The following SPIRE1 variants were observed in gnomAD, a reference collection of about 807,000 sequenced individuals.
The protein encoded by SPIRE1 is protein spire homolog 1.
A neutral mutation model predicts 94.1 loss-of-function variants in SPIRE1; 40 were observed. The observed-to-expected ratio is 0.43, with a 90% confidence interval of 0.33 to 0.55. SPIRE1 has a LOEUF of 0.55. SPIRE1 is among the 20% of genes least tolerant of loss of function. The pLI is 0.06. For missense variants in SPIRE1, 838 were observed against 975.2 expected, an observed-to-expected ratio of 0.86 and a Z score of 1.87; for synonymous variants, 376 against 371.7, an observed-to-expected ratio of 1.01 and a Z score of -0.13.
chr18:12,471,697 A>G (rs2143683878), intron 10 of SPIRE1, among the ~76,000 whole-genome samples: 1 of 152,358 alleles, frequency 6.6e-6, no homozygotes, highest in Non-Finnish European at 1.5e-5. Flanking sequence ...CATGGACTTC[A>G]GAGTTAGACA....
chr18:12,449,441 T>C lies in SPIRE1; in HGVS notation c.*197A>G, dbSNP rs1454397978. ...GTCCTCTCTCAGTGCAAACGAGCAA[T>C]TGGCGGACCTGTCACGTTTCATCAA... is the stretch of plus-strand genomic sequence containing the variant. On this transcript the variant is annotated 3_prime_UTR_variant, in exon 17 of 17. Coordinates refer to ENST00000409402, the MANE Select transcript of SPIRE1 (RefSeq NM_001128626.2). 4.9e-6 allele frequency: 3 copies of C among 614,880 alleles called. No individual in the cohort carries two copies. Among genetic ancestry groups the C allele is most frequent in the Non-Finnish European group, 8.4e-6 (3 of 357,156 alleles). 38.1% of individuals were successfully genotyped at this position (614,880 alleles called of 1,614,324 possible).
intron 3 of SPIRE1, among the ~76,000 whole-genome samples, chr18:12,535,987 AC>A: frequency 6.6e-6 from 1 of 151,516 alleles, no homozygotes; most frequent in East Asian, 1.9e-4. Flanking sequence ...AAACAGACAC[AC>A]CCCCATATCT....
In SPIRE1 at chr18:12,486,257, G is replaced by C. The variant is rs563221330; in HGVS notation, c.1190-257C>G. Among the ~76,000 whole-genome samples the C allele has an allele frequency of 2.6e-5, 4 of 152,214 alleles. No homozygotes were observed. In the South Asian group the frequency reaches 6.2e-4, roughly 24 times the overall value. ...ACTTTTTAGAAAACAAGTAAAAAATGAAAGCATGATAAAAATACAAACATT... is the reference window on the plus strand; with the variant it reads ...ACTTTTTAGAAAACAAGTAAAAAATCAAAGCATGATAAAAATACAAACATT... On this transcript the variant is annotated intron_variant, in intron 8 of 16. Transcript: ENST00000409402.
At chr18:12,573,675 C>T (rs2036017139) in intron 2 of SPIRE1, among the ~76,000 whole-genome samples, 2 of 152,112 alleles carry the variant, frequency 1.3e-5, no homozygotes, top group Admixed American at 1.3e-4. Context: ...CATCATATAT[C>T]TGTCAAAACC....
chr18:12,469,686 ATATAATTTG>A (rs1205400596), intron 10 of SPIRE1, among the ~76,000 whole-genome samples: 1 of 144,100 alleles, frequency 6.9e-6, no homozygotes, highest in Non-Finnish European at 1.5e-5. Context: ...TATATAACAT[ATATAATTTG>A]TATAATTTAT....
intron 2 of SPIRE1, among the ~76,000 whole-genome samples, chr18:12,612,851 T>G (rs1248027239): frequency 6.6e-6 from 1 of 152,196 alleles, no homozygotes; most frequent in Non-Finnish European, 1.5e-5. Context: ...AATACCTTTT[T>G]CCTTATCTCC....
intron 3 of SPIRE1, among the ~76,000 whole-genome samples, chr18:12,544,665 AC>A (rs1457873563): frequency 6.6e-6 from 1 of 152,056 alleles, no homozygotes; most frequent in East Asian, 1.9e-4. Flanking sequence ...CCTCGTAAGC[AC>A]CCTTTTAACT....
chr18:12,557,168 T>C (rs1015904583), intron 2 of SPIRE1, among the ~76,000 whole-genome samples: 1 of 152,168 alleles, frequency 6.6e-6, no homozygotes, highest in African/African-American at 2.4e-5. Flanking sequence ...CCTTGGGCAG[T>C]CAATGGGACC....
In SPIRE1 at chr18:12,472,052, T is replaced by C. The variant is rs980578816; in HGVS notation, c.1405-7094A>G. 1.3e-5 allele frequency among the ~76,000 whole-genome samples: 2 copies of C among 152,166 alleles called. 1 individual carries two copies. Among genetic ancestry groups the C allele is most frequent in the South Asian group, 4.1e-4 (2 of 4,830 alleles). On this transcript the variant is annotated intron_variant, in intron 10 of 16. Transcript: ENST00000409402. ...TGCCCACCTTGGCCTCCCAAAGTGC[T>C]GGGATTATAGGTGTGAGCCATTGCG...
intron 5 of SPIRE1, among the ~76,000 whole-genome samples, chr18:12,511,478 C>T (rs1049241032): frequency 1.1e-4 from 16 of 152,178 alleles, no homozygotes; most frequent in African/African-American, 3.9e-4. Flanking sequence ...CCTCCACCCC[C>T]AATCCTTGAC....
intron 16 of SPIRE1, chr18:12,450,969 C>A: frequency 4.9e-6 from 3 of 615,924 alleles, no homozygotes; most frequent in Non-Finnish European, 8.9e-6. Flanking sequence ...GCTAAAGTTG[C>A]CCAGAAAAAG....
chr18:12,564,402 T>C (rs2035764880), intron 2 of SPIRE1, among the ~76,000 whole-genome samples: 1 of 152,176 alleles, frequency 6.6e-6, no homozygotes, highest in African/African-American at 2.4e-5. Flanking sequence ...AAGACAGTTA[T>C]GTTAAACATA....
At chr18:12,597,707 T>C (rs953803760) in intron 2 of SPIRE1, among the ~76,000 whole-genome samples, 1 of 152,182 alleles carries the variant, frequency 6.6e-6, no homozygotes, top group African/African-American at 2.4e-5. Flanking sequence ...AAAAAACAAA[T>C]AGATACGGTC....
chr18:12,454,187 G>A (rs771003956), intron 13 of SPIRE1, among the ~76,000 whole-genome samples, 159 bp downstream of exon 13: 1 of 152,068 alleles, frequency 6.6e-6, no homozygotes, highest in Non-Finnish European at 1.5e-5. Context: ...TCTTGTGAAC[G>A]AGACAGCACA....
intron 2 of SPIRE1, among the ~76,000 whole-genome samples, chr18:12,547,437 C>T (rs1051457303): frequency 6.6e-6 from 1 of 152,182 alleles, no homozygotes; most frequent in African/African-American, 2.4e-5. Context: ...ACACCTCCAT[C>T]AATATTACTG....
At chr18:12,523,858 A>G (rs11664974) in intron 4 of SPIRE1, among the ~76,000 whole-genome samples, 1 of 152,120 alleles carries the variant, frequency 6.6e-6, no homozygotes. Flanking sequence ...TAATTTTTTT[A>G]AAAACTATTT....
intron 2 of SPIRE1, among the ~76,000 whole-genome samples, chr18:12,595,628 C>A (rs1479739689): frequency 6.6e-6 from 1 of 152,162 alleles, no homozygotes; most frequent in Non-Finnish European, 1.5e-5. Flanking sequence ...AAACAATTAT[C>A]CAACTAACCT....
intron 2 of SPIRE1, among the ~76,000 whole-genome samples, chr18:12,621,050 T>C (rs901557400): frequency 6.6e-6 from 1 of 152,078 alleles, no homozygotes; most frequent in Non-Finnish European, 1.5e-5. Flanking sequence ...CGAGACCATG[T>C]CTCTTAAAAA....
At chr18:12,508,736 G>A (rs988702683) in intron 5 of SPIRE1, among the ~76,000 whole-genome samples, 12 of 150,844 alleles carry the variant, frequency 8.0e-5, no homozygotes, top group African/African-American at 2.9e-4. Flanking sequence ...GTGCAATGGT[G>A]CAATCTTGGC....
Sources: allele counts gnomAD v4.1 joint callset (sites outside exome capture counted in the v4.1 genomes callset), GRCh38; gene constraint gnomAD v4.1.1; transcripts MANE v1.5; gene names NCBI Gene and HGNC (gene_info 2026-07-23, HGNC 2026-07-21).